Variants in ZNF385D observed in about 807,000 individuals in gnomAD.
ZNF385D encodes the protein zinc finger protein 659.
Under a neutral mutation model 35.8 loss-of-function variants are expected in ZNF385D, and 15 were observed. The observed-to-expected ratio is 0.42, with a 90% CI of 0.28 to 0.64. The LOEUF (loss-of-function observed/expected upper bound fraction) is 0.64, where lower values mean the gene tolerates loss of function less well. ZNF385D is among the 30% of genes least tolerant of loss of function. The probability of loss-of-function intolerance (pLI) is 0.23; values close to 1 mark genes in which losing one functional copy is unlikely to be tolerated. For synonymous variants in ZNF385D, 212 were observed against 186.8 expected (o/e 1.13, Z -1.10); for missense variants, 474 against 494.6 (o/e 0.96, Z 0.39).
At chr3:21,603,461 G>A (rs1033902362) in intron 2 of ZNF385D, among the ~76,000 whole-genome samples, 2 of 152,088 alleles carry the variant, frequency 1.3e-5, no homozygotes, top group African/African-American at 2.4e-5. Context: ...TCCAAAACTG[G>A]TAAAAGAAGT....
intron 1 of ZNF385D, among the ~76,000 whole-genome samples, chr3:21,675,488 G>C (rs779967435): frequency 7.9e-5 from 12 of 152,058 alleles, no homozygotes; most frequent in Non-Finnish European, 1.0e-4. Flanking sequence ...CATGCAGTTA[G>C]TAAGTGGTAG....
At chr3:21,975,739 A>ATATATATATATATATATG (rs1703571371) in intron 3 of ZNF385D, among the ~76,000 whole-genome samples, 23 of 48,386 alleles carry the variant, frequency 4.8e-4, no homozygotes, top group Non-Finnish European at 6.9e-4. Context: ...ATATATATAT[A>ATATATATATATATATATG]TATATATATA....
rs1189749740 is a variant in ZNF385D at position 21,583,971 on chromosome 3, T to TTTA, written c.166-19290_166-19288dup. Among the ~76,000 whole-genome samples the TTTA allele has an allele frequency of 3.1e-4, 46 of 149,894 alleles. 1 individual carries two copies. In the Middle Eastern group the frequency reaches 0.01, roughly 34 times the overall value. On this transcript the variant is annotated intron_variant, in intron 2 of 7. Coordinates refer to ENST00000281523, the MANE Select transcript of ZNF385D (RefSeq NM_024697.3). Reference sequence around the variant, plus strand: ...TTTTACTTATTTACTTATTTATTTATTTATTTATTTATTTATTTTTTGAGA... The same window carrying TTTA: ...TTTTACTTATTTACTTATTTATTTATTTATTATTTATTTATTTATTTTTTGAGA...
intron 2 of ZNF385D, among the ~76,000 whole-genome samples, chr3:22,321,161 CTTGT>C (rs1194294451): frequency 1.9e-5 from 1 of 51,566 alleles, no homozygotes; most frequent in Non-Finnish European, 4.0e-5. Flanking sequence ...CACTTATGAC[CTTGT>C]TTTTTTTTTT....
chr3:22,209,006 A>G (rs1052207280), intron 2 of ZNF385D, among the ~76,000 whole-genome samples: 1 of 151,870 alleles, frequency 6.6e-6, no homozygotes, highest in Admixed American at 6.6e-5. Flanking sequence ...TTATGAGACT[A>G]TAAATATTAA....
chr3:21,971,472 AT>A (rs1703253377), intron 3 of ZNF385D, among the ~76,000 whole-genome samples: 1 of 150,944 alleles, frequency 6.6e-6, no homozygotes, highest in African/African-American at 2.4e-5. Flanking sequence ...ATCAAAAAAA[AT>A]AATGGATACA....
intron 4 of ZNF385D, among the ~76,000 whole-genome samples, chr3:21,462,553 C>A (rs1215195697): frequency 6.6e-6 from 1 of 152,120 alleles, no homozygotes; most frequent in African/African-American, 2.4e-5. Flanking sequence ...GTAATAGCAA[C>A]TTTAAGGAGG....
intron 2 of ZNF385D, among the ~76,000 whole-genome samples, chr3:22,181,667 C>T (rs549295239): frequency 1.1e-4 from 16 of 145,908 alleles, no homozygotes; most frequent in Non-Finnish European, 1.8e-4. Flanking sequence ...CACTGCACTC[C>T]GGCCTGGGCG....
rs371066837 is a variant in ZNF385D, at chr3:21,546,552, A to G, written c.276+18022T>C. On this transcript the variant is annotated intron_variant, in intron 3 of 7. Transcript: ENST00000281523. ...TGGCTTATGATAAGGAGTCCATGCA[A>G]CCCCCCTGAGACATATTTTTGTCCC... Among the ~76,000 whole-genome samples, 10 of 151,578 alleles carry G rather than the reference A, an allele frequency of 6.6e-5. No individual in the cohort carries two copies. In the East Asian group the frequency reaches 9.8e-4, roughly 15 times the overall value.
chr3:22,128,024 T>G (rs886824992), intron 3 of ZNF385D, among the ~76,000 whole-genome samples: 4 of 152,192 alleles, frequency 2.6e-5, no homozygotes, highest in Non-Finnish European at 5.9e-5. Flanking sequence ...ATCCTTTTCT[T>G]TTAGATTGAA....
chr3:22,180,132 A>G (rs1014378115), intron 2 of ZNF385D, among the ~76,000 whole-genome samples: 1 of 152,238 alleles, frequency 6.6e-6, no homozygotes, highest in Admixed American at 6.5e-5. Flanking sequence ...AGAAATACAA[A>G]CTACCATCAG....
At chr3:21,594,897 T>C (rs2064086658) in intron 2 of ZNF385D, among the ~76,000 whole-genome samples, 1 of 152,184 alleles carries the variant, frequency 6.6e-6, no homozygotes, top group African/African-American at 2.4e-5. Context: ...CATGGACATA[T>C]ACACACACCT....
rs1260492958 is a variant in ZNF385D at position 22,248,075 on chromosome 3, C to A, written c.107-79040G>T. On this transcript the variant is annotated intron_variant, in intron 2 of 5. Coordinates refer to the ZNF385D transcript ENST00000494108. ...CACTATCTGGTAGCCCTCAATCAAG[C>A]TGATGTCAAGATTCATGAACTACAC... Among the ~76,000 whole-genome samples the A allele has an allele frequency of 2.0e-5, 3 of 152,144 alleles. No homozygotes were observed. The East Asian group carries it at 5.8e-4, about 29-fold the overall frequency.
At chr3:21,732,092 T>C (rs1181847492) in intron 1 of ZNF385D, among the ~76,000 whole-genome samples, 1 of 141,816 alleles carries the variant, frequency 7.1e-6, no homozygotes, top group Non-Finnish European at 1.5e-5. Flanking sequence ...TTGCTCTTTG[T>C]TGCCCAGGCT....
intron 1 of ZNF385D, among the ~76,000 whole-genome samples, chr3:21,747,318 T>G (rs751292576): frequency 7.9e-5 from 12 of 152,216 alleles, no homozygotes; most frequent in Non-Finnish European, 1.5e-4. Flanking sequence ...GTTTAAAGTG[T>G]ATCATTTCAT....
chr3:21,713,156 C>G (rs2068179092), intron 1 of ZNF385D, among the ~76,000 whole-genome samples: 1 of 152,134 alleles, frequency 6.6e-6, no homozygotes, highest in African/African-American at 2.4e-5. Context: ...AAGGGCACAC[C>G]CACACATGTG....
intron 2 of ZNF385D, among the ~76,000 whole-genome samples, chr3:22,210,090 A>C (rs1488403440): frequency 6.6e-6 from 1 of 151,832 alleles, no homozygotes; most frequent in East Asian, 1.9e-4. Flanking sequence ...ATGTAATTTC[A>C]AACCATTTAT....
At chr3:22,297,344 T>C (rs1702644461) in intron 2 of ZNF385D, among the ~76,000 whole-genome samples, 1 of 152,076 alleles carries the variant, frequency 6.6e-6, no homozygotes, top group Admixed American at 6.6e-5. Context: ...AAAGCTATCT[T>C]TTGGCCAGAC....
At chr3:22,082,770 G>A (rs766768697) in intron 3 of ZNF385D, among the ~76,000 whole-genome samples, 28 of 152,176 alleles carry the variant, frequency 1.8e-4, no homozygotes, top group Non-Finnish European at 3.5e-4. Context: ...CCTAACCCCC[G>A]TGTAGCCTAA....
Sources: gnomAD v4.1 joint callset for allele counts (sites outside exome capture counted in the v4.1 genomes callset) on GRCh38, gnomAD v4.1.1 for gene constraint, MANE v1.5 for transcripts, NCBI Gene and HGNC (gene_info 2026-07-23, HGNC 2026-07-21) for gene names.